The following PIK3C2G variants were observed in gnomAD, a reference collection of about 807,000 sequenced individuals.
The protein encoded by PIK3C2G is phosphatidylinositol 3-kinase C2 domain-containing subunit gamma.
A neutral mutation model predicts 181.1 loss-of-function variants in PIK3C2G; 168 were observed. That is an observed-to-expected ratio of 0.93 (90% CI 0.82 to 1.05). PIK3C2G has a LOEUF of 1.05. PIK3C2G is among the 50% of genes least tolerant of loss of function. The probability of loss-of-function intolerance (pLI) is 0.00; values close to 1 mark genes in which losing one functional copy is unlikely to be tolerated. For missense variants in PIK3C2G, 1,869 were observed against 1,732.8 expected, an observed-to-expected ratio of 1.08 and a Z score of -1.40; for synonymous variants, 573 against 592.2, an observed-to-expected ratio of 0.97 and a Z score of 0.47.
At chr12:18,272,547 T>C (rs1431287847) in intron 1 of PIK3C2G, among the ~76,000 whole-genome samples, 1 of 152,200 alleles carries the variant, frequency 6.6e-6, no homozygotes, top group African/African-American at 2.4e-5. Flanking sequence ...AAGAGAAACT[T>C]TGCCTCATCT....
At chr12:18,456,272 C>G (rs11044127) in intron 18 of PIK3C2G, among the ~76,000 whole-genome samples, 1 of 151,854 alleles carries the variant, frequency 6.6e-6, no homozygotes, top group South Asian at 2.1e-4. Context: ...ATTAAGGATG[C>G]GGACACACAA....
intron 18 of PIK3C2G, chr12:18,424,863 GTATTA>G (rs1313797120): frequency 4.8e-6 from 1 of 207,090 alleles, no homozygotes; most frequent in African/African-American, 2.3e-5. Flanking sequence ...ATATGGAAGG[GTATTA>G]TACCTACCAT....
chr12:18,381,146 T>C lies in PIK3C2G; in HGVS notation c.1881-620T>C, dbSNP rs999309253. On this transcript the variant is annotated intron_variant, in intron 13 of 32. Coordinates refer to ENST00000538779, the MANE Select transcript of PIK3C2G (RefSeq NM_001288772.2). ...ACAAACTCTTCCCTGTTTAAAGCCT[T>C]TCCTGTATGCACTCTCATTTACTAT... Among the ~76,000 whole-genome samples the C allele has an allele frequency of 2.6e-5, 4 of 152,340 alleles. No homozygotes were observed. In the East Asian group the frequency reaches 7.7e-4, roughly 29 times the overall value.
At chr12:18,436,136 C>T (rs139947797) in intron 18 of PIK3C2G, among the ~76,000 whole-genome samples, 105 of 152,178 alleles carry the variant, frequency 6.9e-4, no homozygotes, top group Non-Finnish European at 1.3e-3. Context: ...GCTGTGCCAT[C>T]CTCACCATGT....
intron 1 of PIK3C2G, among the ~76,000 whole-genome samples, chr12:18,281,519 T>C (rs1949217646): frequency 6.7e-6 from 1 of 150,258 alleles, no homozygotes; most frequent in Admixed American, 6.9e-5. Context: ...TATTTCGAGT[T>C]TTTTGGGGGA....
chr12:18,654,824 A>G, the PIK3C2G span, among the ~76,000 whole-genome samples: 3 of 152,178 alleles, frequency 2.0e-5, no homozygotes, highest in African/African-American at 7.2e-5. Flanking sequence ...CACCGACTTC[A>G]TCTCTCTTAA....
At chr12:18,540,132 C>A (rs1018899474) in intron 25 of PIK3C2G, among the ~76,000 whole-genome samples, 1 of 151,716 alleles carries the variant, frequency 6.6e-6, no homozygotes, top group African/African-American at 2.4e-5. Flanking sequence ...TTCATGAGCT[C>A]TTGAGTGTTT....
chr12:18,600,335 G>GA (rs1947639005), intron 30 of PIK3C2G, among the ~76,000 whole-genome samples: 1 of 151,800 alleles, frequency 6.6e-6, no homozygotes, highest in Non-Finnish European at 1.5e-5. Flanking sequence ...ATGGATTACA[G>GA]AAAAAATTTG....
At chr12:18,409,226 G>A (rs937449015) in intron 16 of PIK3C2G, among the ~76,000 whole-genome samples, 1 of 152,208 alleles carries the variant, frequency 6.6e-6, no homozygotes, top group Non-Finnish European at 1.5e-5. Context: ...CATAAAAAAG[G>A]ATGAGTTCAT....
chr12:18,561,441 T>C (rs1228737872), intron 26 of PIK3C2G, among the ~76,000 whole-genome samples: 2 of 152,172 alleles, frequency 1.3e-5, no homozygotes, highest in South Asian at 2.1e-4. Flanking sequence ...ATCTCACCAC[T>C]GTATTCCAGC....
the PIK3C2G span, among the ~76,000 whole-genome samples, chr12:18,703,291 A>G: frequency 6.6e-6 from 1 of 152,154 alleles, no homozygotes; most frequent in African/African-American, 2.4e-5. Flanking sequence ...TCTCAGTTCT[A>G]TCATCAGCCC....
chr12:18,316,583 T>C (rs1426182161), intron 6 of PIK3C2G, among the ~76,000 whole-genome samples: 4 of 152,180 alleles, frequency 2.6e-5, no homozygotes, highest in African/African-American at 9.7e-5. Context: ...GCAAAGAGTA[T>C]AAATGCCTTT....
intron 16 of PIK3C2G, among the ~76,000 whole-genome samples, chr12:18,416,482 C>T (rs1338628122): frequency 6.6e-6 from 1 of 152,098 alleles, no homozygotes; most frequent in Non-Finnish European, 1.5e-5. Context: ...GAAGATAAGT[C>T]AATGCTGGGC....
rs765404907 is a variant in PIK3C2G at position 18,609,513 on chromosome 12, T to C, written c.4088-22T>C. Reference sequence around the variant, plus strand: ...CTGAGCTTTTTCCAACTGAACTCACTGAAATTCTATTCTTTTATCAGGTGA... The same window carrying C: ...CTGAGCTTTTTCCAACTGAACTCACCGAAATTCTATTCTTTTATCAGGTGA... On this transcript the variant is annotated intron_variant, in intron 30 of 32. Transcript: ENST00000538779. 4.7e-5 allele frequency: 68 copies of C among 1,453,804 alleles called. No individual in the cohort carries two copies. The East Asian group carries it at 1.5e-3, about 31-fold the overall frequency. 90.1% of individuals were successfully genotyped at this position (1,453,804 alleles called of 1,614,324 possible).
At chr12:18,472,724 A>G (rs1481639599) in intron 18 of PIK3C2G, among the ~76,000 whole-genome samples, 1 of 152,048 alleles carries the variant, frequency 6.6e-6, no homozygotes, top group Non-Finnish European at 1.5e-5. Context: ...TTTGGAGACA[A>G]AGTCTCACTC....
At chr12:18,552,644 C>A (rs775488255) in intron 26 of PIK3C2G, among the ~76,000 whole-genome samples, 26 of 152,026 alleles carry the variant, frequency 1.7e-4, no homozygotes, top group Non-Finnish European at 2.6e-4. Flanking sequence ...TGAAAGTCTC[C>A]CATTATTTTT....
chr12:18,362,470 G>T (rs1941322378), intron 11 of PIK3C2G, among the ~76,000 whole-genome samples: 1 of 152,098 alleles, frequency 6.6e-6, no homozygotes, highest in South Asian at 2.1e-4. Flanking sequence ...TGACATGGCT[G>T]GTTTTGAATT....
At chr12:18,689,311 A>G in the PIK3C2G span, among the ~76,000 whole-genome samples, 1 of 152,178 alleles carries the variant, frequency 6.6e-6, no homozygotes, top group East Asian at 1.9e-4. Context: ...GAAAAACATA[A>G]TTGAATATGA....
intron 7 of PIK3C2G, among the ~76,000 whole-genome samples, chr12:18,322,732 T>TC (rs1951166499): frequency 6.6e-6 from 1 of 152,042 alleles, no homozygotes. Context: ...CTGCCACCCT[T>TC]CCCCCTAAAA....
Sources: gnomAD v4.1 joint callset for allele counts (sites outside exome capture counted in the v4.1 genomes callset) on GRCh38, gnomAD v4.1.1 for gene constraint, MANE v1.5 for transcripts, NCBI Gene and HGNC (gene_info 2026-07-23, HGNC 2026-07-21) for gene names.